Variants in GRAMD2B observed in about 807,000 individuals in gnomAD.
GRAMD2B encodes GRAM domain-containing protein 2B.
GRAMD2B carries 41 observed loss-of-function variants against 59.2 expected under a neutral mutation model. That is an observed-to-expected ratio of 0.69 (90% CI 0.54 to 0.90). The LOEUF is 0.90. GRAMD2B is among the 40% of genes least tolerant of loss of function. The probability of loss-of-function intolerance (pLI) is 0.00; values close to 1 mark genes in which losing one functional copy is unlikely to be tolerated. For synonymous variants in GRAMD2B, 161 were observed against 182.7 expected (o/e 0.88, Z 0.96); for missense variants, 424 against 500.5 (o/e 0.85, Z 1.46).
upstream of GRAMD2B, among the ~76,000 whole-genome samples, chr5:126,366,580 T>A (rs1754445860): frequency 6.6e-6 from 1 of 152,236 alleles, no homozygotes; most frequent in South Asian, 2.1e-4. Flanking sequence ...TTTTTTGAGA[T>A]AGATATTATT....
chr5:126,457,962 A>G (rs1766636181), intron 1 of GRAMD2B, among the ~76,000 whole-genome samples: 1 of 152,124 alleles, frequency 6.6e-6, no homozygotes, highest in South Asian at 2.1e-4. Context: ...GAAGACATTA[A>G]TTCATAGGAT....
intron 1 of GRAMD2B, among the ~76,000 whole-genome samples, chr5:126,381,966 G>A (rs917007110): frequency 4.6e-5 from 7 of 152,030 alleles, no homozygotes; most frequent in African/African-American, 1.7e-4. Context: ...TAGTTTTGCT[G>A]GGTACAAAAA....
intron 1 of GRAMD2B, among the ~76,000 whole-genome samples, chr5:126,372,943 A>C (rs898017442): frequency 3.9e-5 from 6 of 152,180 alleles, no homozygotes; most frequent in Non-Finnish European, 7.4e-5. Context: ...AAATATTAAA[A>C]CAAATACAAA....
chr5:126,480,864 G>T (rs1277440013), intron 8 of GRAMD2B, 157 bp downstream of exon 8: 1 of 636,162 alleles, frequency 1.6e-6, no homozygotes, highest in Non-Finnish European at 2.7e-6. Flanking sequence ...TGAAGAAGAG[G>T]AAACCATAGT....
At chr5:126,414,785 G>A (rs559615696) in intron 1 of GRAMD2B, among the ~76,000 whole-genome samples, 5 of 152,070 alleles carry the variant, frequency 3.3e-5, no homozygotes, top group South Asian at 2.1e-4. Context: ...GCTTTTAAAC[G>A]TAGAAGCTAA....
intron 1 of GRAMD2B, among the ~76,000 whole-genome samples, chr5:126,404,401 A>G (rs1331469834): frequency 6.6e-6 from 1 of 151,938 alleles, no homozygotes; most frequent in East Asian, 1.9e-4. Flanking sequence ...CATCAAGGAC[A>G]TGATGCCAAG....
At chr5:126,413,776 C>A (rs1029475018) in intron 1 of GRAMD2B, among the ~76,000 whole-genome samples, 1 of 152,062 alleles carries the variant, frequency 6.6e-6, no homozygotes, top group Non-Finnish European at 1.5e-5. Flanking sequence ...AATCTGGGTG[C>A]TCCAATGCTG....
intron 5 of GRAMD2B, among the ~76,000 whole-genome samples, chr5:126,474,148 TAACACCAGAGA>T (rs761562216): frequency 1.3e-5 from 2 of 152,216 alleles, no homozygotes; most frequent in Non-Finnish European, 2.9e-5. Context: ...GCCTCCAGAA[TAACACCAGAGA>T]AACACCTTCT....
chr5:126,376,349 C>T (rs1433270549), intron 1 of GRAMD2B, among the ~76,000 whole-genome samples: 3 of 152,198 alleles, frequency 2.0e-5, no homozygotes, highest in African/African-American at 4.8e-5. Flanking sequence ...CTGCAGTCAA[C>T]GATAACCTTG....
chr5:126,493,322 T>C lies in GRAMD2B; in HGVS notation c.*366T>C. 4.4e-6 allele frequency: 1 copy of C among 225,716 alleles called. No individual in the cohort carries two copies. Among genetic ancestry groups the C allele is most frequent in the Non-Finnish European group, 8.8e-6 (1 of 113,162 alleles). The allele number at this position is 225,716 out of a possible 1,614,324, so 14.0% of individuals were successfully genotyped here. On this transcript the variant is annotated 3_prime_UTR_variant, in exon 14 of 14. Coordinates refer to ENST00000285689, the MANE Select transcript of GRAMD2B (RefSeq NM_023927.4). ...TCCTTCCCGCCCTCCTGCCTCTCCC[T>C]TACACCCCTCTTAACGACTTTCAAA...
chr5:126,445,567 C>T (rs1764062311), intron 1 of GRAMD2B: 1 of 151,276 alleles, frequency 6.6e-6, no homozygotes, highest in Non-Finnish European at 1.5e-5. Context: ...GATATCACAT[C>T]ACCCCATGTC....
upstream of GRAMD2B, among the ~76,000 whole-genome samples, chr5:126,422,215 T>TTTTA (rs1759803458): frequency 6.8e-6 from 1 of 147,286 alleles, no homozygotes; most frequent in Non-Finnish European, 1.5e-5. Flanking sequence ...TTTTTTTTTT[T>TTTTA]GAGACAGGGT....
chr5:126,397,644 T>C (rs893324104), intron 1 of GRAMD2B, among the ~76,000 whole-genome samples: 1 of 152,248 alleles, frequency 6.6e-6, no homozygotes, highest in Non-Finnish European at 1.5e-5. Flanking sequence ...TGTGGTTTTC[T>C]TCTTTCATTT....
intron 1 of GRAMD2B, among the ~76,000 whole-genome samples, chr5:126,392,943 G>A (rs1011069398): frequency 6.6e-6 from 1 of 152,064 alleles, no homozygotes; most frequent in African/African-American, 2.4e-5. Flanking sequence ...TAAAGTGGAA[G>A]GTCATCTTTC....
chr5:126,476,984 G>A (rs1015694844), intron 5 of GRAMD2B, among the ~76,000 whole-genome samples: 4 of 152,192 alleles, frequency 2.6e-5, no homozygotes, highest in Non-Finnish European at 5.9e-5. Flanking sequence ...AGTAGGTCAT[G>A]TAGATACAGG....
chr5:126,480,795 G>A (rs1173683080), intron 8 of GRAMD2B, 88 bp downstream of exon 8: 4 of 1,239,236 alleles, frequency 3.2e-6, no homozygotes, highest in East Asian at 2.3e-5. Flanking sequence ...CCAGGGTGTG[G>A]GAAGAGCTTA....
chr5:126,455,906 A>T (rs1440034043), intron 1 of GRAMD2B, among the ~76,000 whole-genome samples: 1 of 152,194 alleles, frequency 6.6e-6, no homozygotes, highest in African/African-American at 2.4e-5. Context: ...TCTTTATGAC[A>T]CAATATCCTT....
chr5:126,427,293 C>T (rs753122866), intron 1 of GRAMD2B, among the ~76,000 whole-genome samples: 3 of 152,152 alleles, frequency 2.0e-5, no homozygotes, highest in Non-Finnish European at 2.9e-5. Flanking sequence ...TTTTATGAAA[C>T]ACACCTTTAT....
chr5:126,415,410 C>T (rs1228462774), intron 1 of GRAMD2B, among the ~76,000 whole-genome samples: 1 of 152,026 alleles, frequency 6.6e-6, no homozygotes, highest in African/African-American at 2.4e-5. Flanking sequence ...TCACTTATAG[C>T]AATCATGGTG....
Sources: allele counts gnomAD v4.1 joint callset (sites outside exome capture counted in the v4.1 genomes callset), GRCh38; gene constraint gnomAD v4.1.1; transcripts MANE v1.5; gene names NCBI Gene and HGNC (gene_info 2026-07-23, HGNC 2026-07-21).